ITCH: variants seen among roughly 807,000 people sequenced by gnomAD.
The protein encoded by ITCH is E3 ubiquitin-protein ligase Itchy homolog.
ITCH carries 28 observed loss-of-function variants against 126.8 expected under a neutral mutation model. The ratio of observed to expected loss-of-function variants is 0.22; its 90% CI spans 0.16 to 0.30. The LOEUF (loss-of-function observed/expected upper bound fraction) is 0.30, where lower values mean the gene tolerates loss of function less well. Among genes scored for constraint, ITCH ranks in the 10% least tolerant of loss-of-function variants. ITCH has a pLI of 1.00. For missense variants in ITCH, 631 were observed against 1,032.4 expected (o/e 0.61, Z 5.33); for synonymous variants, 342 against 340.0 (o/e 1.01, Z -0.06).
intron 6 of ITCH, among the ~76,000 whole-genome samples, chr20:34,419,360 G>A (rs1980422032): frequency 1.3e-5 from 2 of 151,812 alleles, no homozygotes; most frequent in South Asian, 2.1e-4. Flanking sequence ...CTTTCCTTTC[G>A]AGATAATCAC....
chr20:34,508,694 T>C lies in ITCH; in HGVS notation c.*900T>C, dbSNP rs1020318149. The C allele has an allele frequency of 6.6e-6, 1 of 152,152 alleles. No individual in the cohort carries two copies. Among genetic ancestry groups the C allele is most frequent in the African/African-American group, 2.4e-5 (1 of 41,430 alleles). The allele number at this position is 152,152 out of a possible 1,614,324, so 9.4% of individuals were successfully genotyped here. A position where few individuals can be genotyped will look rare whatever the true frequency, so the allele number is the denominator to read the frequency against. The stretch of plus-strand genomic sequence containing the variant: ...TAAATAAATAAAAGGAAAAAAAACT[T>C]AGCCTAGAATTAGAATTAATTTAAT... On this transcript the variant is annotated 3_prime_UTR_variant, in exon 25 of 25. Transcript: ENST00000374864.
chr20:34,412,750 C>G, intron 5 of ITCH, 111 bp downstream of exon 5: 1 of 925,592 alleles, frequency 1.1e-6, no homozygotes, highest in African/African-American at 1.6e-5. Flanking sequence ...TTAAGTTTTA[C>G]TTGGTTATAG....
At chr20:34,468,865 TC>T (rs1445364263) in intron 14 of ITCH, among the ~76,000 whole-genome samples, 3 of 151,978 alleles carry the variant, frequency 2.0e-5, no homozygotes, top group African/African-American at 7.3e-5. Context: ...CTGTCTCTTT[TC>T]CCCTCACACA....
intron 24 of ITCH, 86 bp from the exon 25 acceptor site, chr20:34,507,609 A>G (rs1990720839): frequency 2.0e-6 from 2 of 1,002,850 alleles, no homozygotes; most frequent in Non-Finnish European, 3.1e-6. Context: ...TTGTGCTTCT[A>G]TAGTAGTGTA....
intron 7 of ITCH, among the ~76,000 whole-genome samples, chr20:34,425,350 C>G (rs758095137): frequency 6.6e-6 from 1 of 152,166 alleles, no homozygotes; most frequent in Non-Finnish European, 1.5e-5. Context: ...GGTTTCCCCC[C>G]ACTGAGACAG....
chr20:34,457,318 T>G, intron 12 of ITCH, 72 bp from the exon 13 acceptor site: 1 of 996,148 alleles, frequency 1.0e-6, no homozygotes, highest in Non-Finnish European at 1.6e-6. Context: ...CAAATAATTT[T>G]ATTTTACCTT....
At chr20:34,407,772 G>A (rs1978345429) in intron 3 of ITCH, among the ~76,000 whole-genome samples, 2 of 151,998 alleles carry the variant, frequency 1.3e-5, no homozygotes, top group South Asian at 2.1e-4. Flanking sequence ...CTTCTCAAAG[G>A]CCTTCCTTAC....
At chr20:34,479,060 A>G (rs1325611433) in intron 17 of ITCH, among the ~76,000 whole-genome samples, 1 of 152,202 alleles carries the variant, frequency 6.6e-6, no homozygotes, top group Admixed American at 6.5e-5. Flanking sequence ...ACAATATTTG[A>G]CTTAGAGTCT....
chr20:34,490,891 A>G (rs571457330), intron 22 of ITCH, among the ~76,000 whole-genome samples: 7 of 152,354 alleles, frequency 4.6e-5, no homozygotes, highest in Admixed American at 3.3e-4. Flanking sequence ...ACCAGTATTC[A>G]TCATTCATTT....
chr20:34,381,277 G>GTTT (rs200033034), intron 2 of ITCH, among the ~76,000 whole-genome samples: 1 of 149,526 alleles, frequency 6.7e-6, no homozygotes, highest in African/African-American at 2.5e-5. Flanking sequence ...GTGTGTGCCT[G>GTTT]TTTTTTTTGT....
intron 2 of ITCH, among the ~76,000 whole-genome samples, chr20:34,376,978 T>C (rs1167158828): frequency 6.6e-6 from 1 of 152,212 alleles, no homozygotes; most frequent in Non-Finnish European, 1.5e-5. Flanking sequence ...CCTCTTTTCA[T>C]GTTGTGAATC....
chr20:34,476,392 G>A, intron 16 of ITCH: 7 of 1,257,396 alleles, frequency 5.6e-6, no homozygotes, highest in Non-Finnish European at 7.0e-6. Flanking sequence ...GCGGGACCCG[G>A]CGTGGTGCAG....
intron 6 of ITCH, among the ~76,000 whole-genome samples, chr20:34,418,922 C>T (rs758911485): frequency 4.6e-5 from 7 of 151,982 alleles, no homozygotes; most frequent in Non-Finnish European, 8.8e-5. Context: ...CCACCACGCC[C>T]GACTAATTTT....
In ITCH at chr20:34,476,572, G is replaced by A. The variant is rs567284166; in HGVS notation, c.1570-1200G>A. ...GCTGTATACCTAGCCTATACTATTT[G>A]TAGAATACTTGGCATAAACGTACAT... On this transcript the variant is annotated intron_variant, in intron 16 of 24. Coordinates refer to ENST00000374864, the MANE Select transcript of ITCH (RefSeq NM_031483.7). The A allele has an allele frequency of 1.3e-5, 9 of 698,872 alleles. No homozygotes were observed. In the Admixed American group the frequency reaches 2.0e-4, roughly 15 times the overall value. The allele number at this position is 698,872 out of a possible 1,614,324, so 43.3% of individuals were successfully genotyped here.
intron 13 of ITCH, 97 bp downstream of exon 13, chr20:34,457,571 C>G (rs1441913413): frequency 4.8e-6 from 4 of 839,830 alleles, no homozygotes; most frequent in Admixed American, 4.0e-5. Flanking sequence ...TTGCCAAAGA[C>G]CTAAAACGTT....
Position 34,440,187 on chromosome 20 carries a change from G to A in ITCH, c.712G>A (p.Glu238Lys). The A allele has an allele frequency of 6.2e-7, 1 of 1,613,690 alleles. No homozygotes were observed. The highest frequency in any genetic ancestry group is 8.5e-7 in the Non-Finnish European group (1 of 1,179,634). The part of the protein sequence containing the change: ...SVNGSPSATS[E>K]SDGSSTGSLP... ...CAATGGTTCACCATCTGCCACTTCTGAAAGTGATGGGTCTAGTACAGGCTC... is the reference window on the plus strand; with the variant it reads ...CAATGGTTCACCATCTGCCACTTCTAAAAGTGATGGGTCTAGTACAGGCTC... Residue 238 changes from glutamate to lysine, a missense_variant, in exon 9 of 25, where the codon GAA becomes AAA. This residue lies in a region of ITCH where 220 missense variants were observed against 265.7 expected (regional missense o/e 0.83). Transcript: ENST00000374864.
chr20:34,479,736 A>G lies in ITCH; in HGVS notation c.1765A>G (p.Ile589Val), dbSNP rs1600455770. 6 of 1,614,012 alleles carry G rather than the reference A, an allele frequency of 3.7e-6. No individual in the cohort carries two copies. The East Asian group carries it at 1.1e-4, about 30-fold the overall frequency. The change falls in exon 18 of 25, where the codon ATC (isoleucine) becomes GTC (valine). Residue 589 changes from isoleucine (I) to valine (V), a missense_variant. Ile to Val is a conservative substitution (Grantham distance 29). Coordinates refer to ENST00000374864, the MANE Select transcript of ITCH (RefSeq NM_031483.7). ...YCLQINPASY[I>V]NPDHLKYFRF... The stretch of plus-strand genomic sequence containing the variant: ...CTTGCAGATAAACCCCGCTTCTTAC[A>G]TCAATCCAGATCACCTGAAATATTT...
chr20:34,398,984 C>G (rs2038774827), intron 3 of ITCH, among the ~76,000 whole-genome samples: 1 of 152,172 alleles, frequency 6.6e-6, no homozygotes, highest in African/African-American at 2.4e-5. Flanking sequence ...CACAAATCTC[C>G]TTAATGACAT....
chr20:34,414,666 G>A (rs1979572484), intron 6 of ITCH, among the ~76,000 whole-genome samples: 1 of 151,920 alleles, frequency 6.6e-6, no homozygotes, highest in Admixed American at 6.6e-5. Flanking sequence ...TTTTAGTAGA[G>A]ATGGGGTTTT....
Sources: gnomAD v4.1 joint callset for allele counts (sites outside exome capture counted in the v4.1 genomes callset) on GRCh38, gnomAD v4.1.1 for gene constraint, gnomAD v4.1.1 regional missense constraint, MANE v1.5 for transcripts, NCBI Gene and HGNC (gene_info 2026-07-23, HGNC 2026-07-21) for gene names.